The following UNC93A variants were observed in gnomAD, a reference collection of about 807,000 sequenced individuals.
UNC93A encodes the protein N-acetylglucosamine transporter UNC93A.
UNC93A carries 43 observed loss-of-function variants against 47.5 expected under a neutral mutation model. That is an observed-to-expected ratio of 0.91 (90% CI 0.71 to 1.17). The LOEUF (loss-of-function observed/expected upper bound fraction) is 1.17, where lower values mean the gene tolerates loss of function less well. Ranked by LOEUF, UNC93A falls within the 50% of genes most tolerant of loss-of-function variation. The pLI is 0.00. For missense variants in UNC93A, 605 were observed against 577.6 expected (o/e 1.05, Z -0.49); for synonymous variants, 280 against 258.0 (o/e 1.09, Z -0.82).
chr6:167,296,888 C>G (rs928258341), intron 3 of UNC93A, among the ~76,000 whole-genome samples: 3 of 152,204 alleles, frequency 2.0e-5, no homozygotes, highest in Non-Finnish European at 2.9e-5. Flanking sequence ...AAAAACCAAT[C>G]CAGCCCTCCT....
At chr6:167,310,493 T>C (rs537124767) in intron 7 of UNC93A, among the ~76,000 whole-genome samples, 7 of 152,398 alleles carry the variant, frequency 4.6e-5, no homozygotes, top group African/African-American at 1.4e-4. Flanking sequence ...GTCCGGTGAA[T>C]GACTGGAATA....
intron 1 of UNC93A, among the ~76,000 whole-genome samples, chr6:167,273,590 G>A (rs1562338294): frequency 1.3e-5 from 2 of 152,230 alleles, no homozygotes; most frequent in Non-Finnish European, 2.9e-5. Context: ...AAACGTGAGT[G>A]ACCATGGCCC....
At position 167,298,014 on chromosome 6, in the gene UNC93A, A is replaced by ACAG; in HGVS notation, c.572_574dup (p.Ser191dup). On this transcript the variant is annotated inframe_insertion, in exon 4 of 8. Coordinates refer to ENST00000230256, the MANE Select transcript of UNC93A (RefSeq NM_018974.4). ...TGCCTGATGGCCACCACAACCACCAACAGCACCCAGAGGCCCTCCCAGCAG... is the reference window on the plus strand; with the variant it reads ...TGCCTGATGGCCACCACAACCACCAACAGCAGCACCCAGAGGCCCTCCCAGCAG... 6.2e-7 allele frequency: 1 copy of ACAG among 1,613,800 alleles called. No individual in the cohort carries two copies. The highest frequency in any genetic ancestry group is 8.5e-7 in the Non-Finnish European group (1 of 1,179,932).
upstream of UNC93A, among the ~76,000 whole-genome samples, chr6:167,288,838 C>T (rs530392352): frequency 1.3e-5 from 2 of 152,328 alleles, no homozygotes; most frequent in South Asian, 2.1e-4. Flanking sequence ...ACGGTGCCAT[C>T]TAGTGGCTGG....
chr6:167,302,006 C>A (rs1294343809), intron 4 of UNC93A, among the ~76,000 whole-genome samples: 1 of 152,134 alleles, frequency 6.6e-6, no homozygotes, highest in Non-Finnish European at 1.5e-5. Context: ...CGAAATTTCA[C>A]AAACTTCATG....
intron 1 of UNC93A, among the ~76,000 whole-genome samples, chr6:167,282,519 CA>C (rs1177874002): frequency 6.6e-6 from 1 of 152,052 alleles, no homozygotes; most frequent in Non-Finnish European, 1.5e-5. Flanking sequence ...GGTTCAGGTT[CA>C]CTTGAAAATG....
At chr6:167,279,720 C>A (rs377345671) in intron 1 of UNC93A, among the ~76,000 whole-genome samples, 1 of 152,016 alleles carries the variant, frequency 6.6e-6, no homozygotes, top group Non-Finnish European at 1.5e-5. Context: ...GAAAAATGTG[C>A]GTATATTTTG....
chr6:167,301,399 A>G (rs1048883660), intron 4 of UNC93A, among the ~76,000 whole-genome samples: 1 of 152,214 alleles, frequency 6.6e-6, no homozygotes. Context: ...GTCCTTTTCT[A>G]TAAAGCAAGA....
chr6:167,288,562 C>A (rs552263925), upstream of UNC93A, among the ~76,000 whole-genome samples: 8 of 152,096 alleles, frequency 5.3e-5, no homozygotes, highest in African/African-American at 1.7e-4. Flanking sequence ...CCTATAGATA[C>A]CTTCTTCATC....
intron 7 of UNC93A, among the ~76,000 whole-genome samples, chr6:167,312,473 A>T (rs1320023334): frequency 6.6e-6 from 1 of 152,140 alleles, no homozygotes. Flanking sequence ...CTTCTCCCCG[A>T]TGTATTTATT....
At chr6:167,277,020 C>A (rs1030030030) in intron 1 of UNC93A, among the ~76,000 whole-genome samples, 2 of 152,238 alleles carry the variant, frequency 1.3e-5, no homozygotes, top group African/African-American at 4.8e-5. Context: ...ACTTGGCAAG[C>A]CCAAGGCCAT....
At chr6:167,295,636 TG>T (rs1303273780) in intron 2 of UNC93A, among the ~76,000 whole-genome samples, 49 of 112,708 alleles carry the variant, frequency 4.3e-4, no homozygotes, top group Middle Eastern at 4.2e-3. Context: ...GCTCCTCGCC[TG>T]CCTCGTGCTC....
At chr6:167,288,008 C>T (rs2989553), upstream of UNC93A, among the ~76,000 whole-genome samples, 19,836 of 152,134 alleles carry the variant, frequency 0.13, 1,675 homozygotes, top group South Asian at 0.28. Flanking sequence ...GCTGGGTGGT[C>T]AGGCCACTCA....
intron 1 of UNC93A, among the ~76,000 whole-genome samples, chr6:167,283,725 G>C (rs944631067): frequency 6.6e-6 from 1 of 152,120 alleles, no homozygotes; most frequent in Non-Finnish European, 1.5e-5. Context: ...TTCACAGTTG[G>C]TCTGATGAAT....
At chr6:167,313,062 T>C (rs1196531408) in intron 7 of UNC93A, among the ~76,000 whole-genome samples, 1 of 152,212 alleles carries the variant, frequency 6.6e-6, no homozygotes, top group African/African-American at 2.4e-5. Context: ...GTGTGGACCC[T>C]GCTTCTGTGG....
At chr6:167,278,730 C>T (rs55724055) in intron 1 of UNC93A, among the ~76,000 whole-genome samples, 8,822 of 152,116 alleles carry the variant, frequency 0.058, 508 homozygotes, top group African/African-American at 0.14. Context: ...TTCATTCCTC[C>T]GCCCTGGCTG....
intron 5 of UNC93A, 146 bp from the exon 6 acceptor site, chr6:167,305,769 G>A (rs533746322): frequency 9.3e-5 from 104 of 1,119,778 alleles, no homozygotes; most frequent in Non-Finnish European, 1.3e-4. Context: ...TCCTGCATGG[G>A]AGCCACAGAG....
chr6:167,272,012 G>T (rs1378907331), intron 1 of UNC93A, among the ~76,000 whole-genome samples: 1 of 152,200 alleles, frequency 6.6e-6, no homozygotes, highest in Non-Finnish European at 1.5e-5. Flanking sequence ...CCAGTGATTG[G>T]CTTCTGTCCT....
intron 7 of UNC93A, among the ~76,000 whole-genome samples, chr6:167,313,008 A>T (rs1778600162): frequency 6.6e-6 from 1 of 152,186 alleles, no homozygotes; most frequent in Admixed American, 6.5e-5. Context: ...TCTTAAAGGC[A>T]GTTCCAGCGG....
Sources: gnomAD v4.1 joint callset for allele counts (sites outside exome capture counted in the v4.1 genomes callset) on GRCh38, gnomAD v4.1.1 for gene constraint, MANE v1.5 for transcripts, NCBI Gene and HGNC (gene_info 2026-07-23, HGNC 2026-07-21) for gene names.